The following OSBPL10 variants were observed in gnomAD, a reference collection of about 807,000 sequenced individuals.
OSBPL10 encodes oxysterol binding protein like 10.
Under a neutral mutation model 81.7 loss-of-function variants are expected in OSBPL10, and 49 were observed. The observed-to-expected ratio is 0.60, with a 90% confidence interval of 0.48 to 0.76. The LOEUF is 0.76. Among genes scored for constraint, OSBPL10 ranks in the 30% least tolerant of loss-of-function variants. The pLI is 0.00. For missense variants in OSBPL10, 923 were observed against 987.8 expected (o/e 0.93, Z 0.88); for synonymous variants, 419 against 383.6 (o/e 1.09, Z -1.08).
At chr3:31,774,706 T>A (rs1698499777) in intron 4 of OSBPL10, among the ~76,000 whole-genome samples, 1 of 151,492 alleles carries the variant, frequency 6.6e-6, no homozygotes, top group African/African-American at 2.4e-5. Flanking sequence ...AGAGACAGTG[T>A]TTCACCATGT....
intron 1 of OSBPL10, among the ~76,000 whole-genome samples, chr3:31,880,767 T>G (rs1190105568): frequency 6.6e-6 from 1 of 152,226 alleles, no homozygotes; most frequent in Non-Finnish European, 1.5e-5. Flanking sequence ...CAAAGTGTGG[T>G]CTGCAAATTT....
intron 2 of OSBPL10, among the ~76,000 whole-genome samples, chr3:32,016,521 A>G (rs1466193710): frequency 6.6e-6 from 1 of 152,194 alleles, no homozygotes; most frequent in Non-Finnish European, 1.5e-5. Context: ...GGTGCAGCAC[A>G]CCAACATGGC....
intron 2 of OSBPL10, among the ~76,000 whole-genome samples, chr3:31,994,805 A>G (rs544017770): frequency 1.3e-5 from 2 of 152,340 alleles, no homozygotes; most frequent in South Asian, 2.1e-4. Flanking sequence ...CAAATACCCC[A>G]GTATCAGGGG....
intron 6 of OSBPL10, among the ~76,000 whole-genome samples, chr3:31,723,570 ACC>A (rs1491254930): frequency 2.7e-5 from 4 of 150,380 alleles, no homozygotes; most frequent in African/African-American, 7.3e-5. Flanking sequence ...ACACACACAC[ACC>A]CCTTTCCCTC....
chr3:32,014,653 A>T (rs1213204262), intron 2 of OSBPL10, among the ~76,000 whole-genome samples: 2 of 152,202 alleles, frequency 1.3e-5, no homozygotes, highest in Non-Finnish European at 2.9e-5. Context: ...AGGAAGTCAA[A>T]TTGTCCCTGT....
intron 1 of OSBPL10, 59 bp downstream of exon 1, chr3:31,980,828 TACACACACGCAC>T: frequency 7.0e-7 from 1 of 1,423,624 alleles, no homozygotes; most frequent in Non-Finnish European, 9.2e-7. Flanking sequence ...CAGACACACA[TACACACACGCAC>T]GCACACACAC....
intron 1 of OSBPL10, among the ~76,000 whole-genome samples, chr3:31,900,647 ATTTAT>A (rs1457634454): frequency 2.0e-5 from 3 of 152,204 alleles, no homozygotes; most frequent in African/African-American, 7.2e-5. Flanking sequence ...AGTTTTAGAT[ATTTAT>A]TTTGTACTTT....
chr3:31,965,519 A>G (rs1403505798), intron 1 of OSBPL10, among the ~76,000 whole-genome samples: 1 of 64,042 alleles, frequency 1.6e-5, no homozygotes, highest in African/African-American at 6.3e-5. Flanking sequence ...GATAATATAT[A>G]AACTATTATA....
At chr3:31,973,468 T>G (rs1472409744) in intron 1 of OSBPL10, among the ~76,000 whole-genome samples, 5 of 152,202 alleles carry the variant, frequency 3.3e-5, no homozygotes, top group Non-Finnish European at 7.3e-5. Context: ...ACAGGACTGG[T>G]GCCTGTGGTG....
At chr3:31,762,873 A>G (rs2125726472) in intron 4 of OSBPL10, among the ~76,000 whole-genome samples, 1 of 152,202 alleles carries the variant, frequency 6.6e-6, no homozygotes, top group East Asian at 1.9e-4. Context: ...TGAAGGATCC[A>G]CATTTCTGTG....
chr3:32,034,441 G>C (rs565833470), intron 2 of OSBPL10, among the ~76,000 whole-genome samples: 8 of 23,320 alleles, frequency 3.4e-4, no homozygotes. Context: ...ACCCTGTAGC[G>C]GAAAAAAAAA....
intron 4 of OSBPL10, among the ~76,000 whole-genome samples, chr3:31,764,020 A>G (rs1295427378): frequency 2.0e-5 from 3 of 152,224 alleles, no homozygotes; most frequent in Non-Finnish European, 2.9e-5. Context: ...CTGCACACGA[A>G]CTGCTTACAA....
upstream of OSBPL10, chr3:31,981,993 GGTTTGTGCGA>G (rs1352132098): frequency 2.0e-5 from 3 of 152,236 alleles, no homozygotes; most frequent in Non-Finnish European, 4.4e-5. The surrounding 1 kb of genome is among the most constrained non-coding windows in gnomAD (Gnocchi z 4.5). Flanking sequence ...CGAACTCTCA[GGTTTGTGCGA>G]GTGCTTCCTT....
chr3:31,934,963 CAAG>C (rs1697345745), intron 1 of OSBPL10, among the ~76,000 whole-genome samples: 1 of 152,100 alleles, frequency 6.6e-6, no homozygotes, highest in Non-Finnish European at 1.5e-5. Context: ...AGAGTAGTTG[CAAG>C]AAGCCATCAA....
At chr3:31,787,369 C>G (rs1164107199) in intron 4 of OSBPL10, among the ~76,000 whole-genome samples, 1 of 152,066 alleles carries the variant, frequency 6.6e-6, no homozygotes, top group Non-Finnish European at 1.5e-5. Flanking sequence ...CCAAGGCGGG[C>G]AGATCACCTG....
Position 31,884,098 on chromosome 3 carries a change from T to C in OSBPL10, c.282-4268A>G, listed in dbSNP as rs376778084. Among the ~76,000 whole-genome samples, 13 of 152,340 alleles carry C rather than the reference T, an allele frequency of 8.5e-5. No individual in the cohort carries two copies. In the East Asian group the frequency reaches 2.1e-3, roughly 25 times the overall value. On this transcript the variant is annotated intron_variant, in intron 1 of 11. Coordinates refer to ENST00000396556, the MANE Select transcript of OSBPL10 (RefSeq NM_017784.5). ...GAAGAGGACATTATTTAGGAGCTGG[T>C]ATAAAGAAATGAATTGAACGCTGTT...
At chr3:32,048,415 C>T (rs1211141869) in intron 1 of OSBPL10, among the ~76,000 whole-genome samples, 3 of 150,714 alleles carry the variant, frequency 2.0e-5, no homozygotes, top group African/African-American at 7.4e-5. Flanking sequence ...TCAAGTGATT[C>T]GCCTGCCTCA....
intron 3 of OSBPL10, among the ~76,000 whole-genome samples, chr3:31,871,183 T>A (rs1701315001): frequency 6.6e-6 from 1 of 152,174 alleles, no homozygotes; most frequent in South Asian, 2.1e-4. Context: ...TTGCTACTGC[T>A]CACTCTTTGG....
intron 1 of OSBPL10, among the ~76,000 whole-genome samples, chr3:32,051,170 C>T (rs1179257589): frequency 6.6e-6 from 1 of 151,890 alleles, no homozygotes; most frequent in Non-Finnish European, 1.5e-5. Flanking sequence ...CATGAGAGGA[C>T]CTAAGATAAT....
Sources: gnomAD v4.1 joint callset for allele counts (sites outside exome capture counted in the v4.1 genomes callset) on GRCh38, gnomAD v4.1.1 for gene constraint, Gnocchi (gnomAD v3.1) non-coding constraint, MANE v1.5 for transcripts, NCBI Gene and HGNC (gene_info 2026-07-23, HGNC 2026-07-21) for gene names.